Variants in GPC5 observed in about 807,000 individuals in gnomAD.
The protein encoded by GPC5 is glypican-5.
Under a neutral mutation model 53.9 loss-of-function variants are expected in GPC5, and 47 were observed. That is an observed-to-expected ratio of 0.87 (90% CI 0.69 to 1.11). The LOEUF is 1.11. Among genes scored for constraint, GPC5 ranks in the 50% most tolerant of loss-of-function variants. The pLI is 0.00. For missense variants in GPC5, 748 were observed against 713.1 expected, an observed-to-expected ratio of 1.05 and a Z score of -0.56; for synonymous variants, 286 against 263.3, an observed-to-expected ratio of 1.09 and a Z score of -0.84.
chr13:92,502,110 G>T (rs890671590), intron 7 of GPC5, among the ~76,000 whole-genome samples: 7 of 151,986 alleles, frequency 4.6e-5, no homozygotes, highest in African/African-American at 1.7e-4. Context: ...ATATGCTCTG[G>T]TTAAAATGCT....
intron 2 of GPC5, among the ~76,000 whole-genome samples, chr13:91,585,640 A>T (rs1319590452): frequency 6.6e-6 from 1 of 152,080 alleles, no homozygotes; most frequent in Non-Finnish European, 1.5e-5. Flanking sequence ...GGGTGGAGGG[A>T]GCAGCTGCAA....
At chr13:91,674,471 A>G (rs1201846134) in intron 2 of GPC5, among the ~76,000 whole-genome samples, 2 of 150,484 alleles carry the variant, frequency 1.3e-5, no homozygotes, top group Non-Finnish European at 3.0e-5. Context: ...ACGCACATAT[A>G]CACACACACG....
At chr13:92,797,648 A>T (rs955155174) in intron 7 of GPC5, among the ~76,000 whole-genome samples, 1 of 151,940 alleles carries the variant, frequency 6.6e-6, no homozygotes, top group Non-Finnish European at 1.5e-5. Flanking sequence ...TAAAAGGAAG[A>T]TGAAAACAAA....
At chr13:92,778,966 TACACACACAC>T (rs5805763) in intron 7 of GPC5, among the ~76,000 whole-genome samples, 33 of 149,304 alleles carry the variant, frequency 2.2e-4, no homozygotes, top group African/African-American at 6.7e-4. Context: ...GTGCAAGATA[TACACACACAC>T]ACACACACAC....
chr13:92,743,675 A>G (rs568474786), intron 7 of GPC5, among the ~76,000 whole-genome samples: 19 of 152,122 alleles, frequency 1.2e-4, no homozygotes, highest in East Asian at 3.9e-4. Flanking sequence ...GTTTTCAAAG[A>G]GAATGCTTCC....
At chr13:92,677,187 G>T (rs561457876) in intron 7 of GPC5, among the ~76,000 whole-genome samples, 17 of 152,070 alleles carry the variant, frequency 1.1e-4, no homozygotes, top group Admixed American at 3.9e-4. Flanking sequence ...TTTTACAGTT[G>T]CTTAGCCCTC....
At position 91,961,144 on chromosome 13, in the gene GPC5, T is replaced by G. The variant is rs188726767; in HGVS notation, c.1401+53087T>G. On this transcript the variant is annotated intron_variant, in intron 6 of 7. Transcript: ENST00000377067. ...TGAAAAGAAAATATTTGCCAACTATTGATCTGACAAGTGGCTAATGTCCAG... is the reference window on the plus strand; with the variant it reads ...TGAAAAGAAAATATTTGCCAACTATGGATCTGACAAGTGGCTAATGTCCAG... 1.8e-4 allele frequency among the ~76,000 whole-genome samples: 28 copies of G among 152,068 alleles called. No homozygotes were observed. The East Asian group carries it at 5.2e-3, about 28-fold the overall frequency.
intron 7 of GPC5, among the ~76,000 whole-genome samples, chr13:92,266,791 G>C (rs780077877): frequency 6.6e-6 from 1 of 151,170 alleles, no homozygotes; most frequent in East Asian, 1.9e-4. Flanking sequence ...TTTAAGAAAT[G>C]AAGACACAAA....
At chr13:91,840,525 G>T (rs1048508541) in intron 5 of GPC5, among the ~76,000 whole-genome samples, 2 of 151,866 alleles carry the variant, frequency 1.3e-5, no homozygotes, top group Non-Finnish European at 2.9e-5. Flanking sequence ...AACCTTCTGA[G>T]AATAAAACAG....
chr13:92,372,457 T>G (rs2043658621), intron 7 of GPC5, among the ~76,000 whole-genome samples: 1 of 152,206 alleles, frequency 6.6e-6, no homozygotes, highest in Admixed American at 6.5e-5. Flanking sequence ...CTTTTTATAC[T>G]CTTTTTATGA....
At chr13:92,075,176 A>G (rs1289650131) in intron 6 of GPC5, among the ~76,000 whole-genome samples, 1 of 152,172 alleles carries the variant, frequency 6.6e-6, no homozygotes, top group Admixed American at 6.6e-5. Context: ...GTACATGTTA[A>G]CTTTAAGTGG....
rs77684338 is a variant in GPC5, at chr13:91,887,374, G to A, written c.1281-20563G>A. Among the ~76,000 whole-genome samples the A allele has an allele frequency of 7.1e-3, 1,078 of 152,276 alleles. 20 individuals are homozygous for A. Among genetic ancestry groups the A allele is most frequent in the African/African-American group, 0.025 (1,043 of 41,556 alleles). On this transcript the variant is annotated intron_variant, in intron 5 of 7. Transcript: ENST00000377067. ...TTTTTCCTCCTAGGCTTTTGAGCCG[G>A]TGATGGAAAGAGCTGCTGTGAAGGT...
At chr13:91,608,838 T>C (rs917354559) in intron 2 of GPC5, among the ~76,000 whole-genome samples, 1 of 151,772 alleles carries the variant, frequency 6.6e-6, no homozygotes, top group East Asian at 2.0e-4. Flanking sequence ...TTCAATGGTA[T>C]TTGCTGTTAA....
chr13:92,825,239 G>A (rs1363924449), intron 7 of GPC5, among the ~76,000 whole-genome samples: 1 of 152,114 alleles, frequency 6.6e-6, no homozygotes, highest in East Asian at 1.9e-4. Flanking sequence ...CATTAAGAAT[G>A]AAGGATTTAG....
At chr13:92,331,548 A>T (rs2043287975) in intron 7 of GPC5, among the ~76,000 whole-genome samples, 1 of 152,186 alleles carries the variant, frequency 6.6e-6, no homozygotes, top group Admixed American at 6.5e-5. Context: ...TATAAGCACA[A>T]TATGAACACT....
rs139833486 is a variant in GPC5 at position 92,324,855 on chromosome 13, G to A, written c.1561+179866G>A. ...TCACAAATAAAAGGAGATGGACTTC[G>A]ACCAAGATCAGTTTTAGAGTCATTC... On this transcript the variant is annotated intron_variant, in intron 7 of 7. Coordinates refer to ENST00000377067, the MANE Select transcript of GPC5 (RefSeq NM_004466.6). Among the ~76,000 whole-genome samples the A allele has an allele frequency of 2.6e-5, 4 of 151,820 alleles. No homozygotes were observed. In the South Asian group the frequency reaches 6.2e-4, roughly 24 times the overall value.
chr13:92,556,891 G>T (rs890823506), intron 7 of GPC5, among the ~76,000 whole-genome samples: 10 of 151,722 alleles, frequency 6.6e-5, no homozygotes, highest in Admixed American at 2.6e-4. Flanking sequence ...ATTATAGTCT[G>T]GTATGTAAGT....
intron 5 of GPC5, among the ~76,000 whole-genome samples, chr13:91,802,372 G>A (rs1484812780): frequency 6.6e-6 from 1 of 152,160 alleles, no homozygotes; most frequent in African/African-American, 2.4e-5. Flanking sequence ...TGGTCTCACT[G>A]ACTTCAGGAA....
chr13:92,066,513 C>T (rs2041168950), intron 6 of GPC5, among the ~76,000 whole-genome samples: 1 of 151,452 alleles, frequency 6.6e-6, no homozygotes, highest in African/African-American at 2.4e-5. Flanking sequence ...TGGCAATTAA[C>T]TTTCACGTGA....
Sources: allele counts gnomAD v4.1 joint callset (sites outside exome capture counted in the v4.1 genomes callset), GRCh38; gene constraint gnomAD v4.1.1; transcripts MANE v1.5; gene names NCBI Gene and HGNC (gene_info 2026-07-23, HGNC 2026-07-21).